Variants in DHRSX observed in about 807,000 individuals in gnomAD.
DHRSX encodes the protein polyprenol dehydrogenase.
A neutral mutation model predicts 34.0 loss-of-function variants in DHRSX; 31 were observed. That is an observed-to-expected ratio of 0.91 (90% CI 0.69 to 1.23). The LOEUF (loss-of-function observed/expected upper bound fraction) is 1.23, where lower values mean the gene tolerates loss of function less well. DHRSX is among the 50% of genes most tolerant of loss of function. DHRSX has a pLI of 0.00. For synonymous variants in DHRSX, 201 were observed against 183.8 expected (o/e 1.09, Z -0.76); for missense variants, 414 against 428.1 (o/e 0.97, Z 0.29).
chrX:2,358,950 G>GA (rs57856874), intron 3 of DHRSX, among the ~76,000 whole-genome samples: 20,459 of 124,342 alleles, frequency 0.16, 1,883 homozygotes, highest in Non-Finnish European at 0.22. Context: ...CTCTGTCTCG[G>GA]AAAAAAAAAA....
intron 6 of DHRSX, among the ~76,000 whole-genome samples, chrX:2,226,703 G>A (rs1300920554): frequency 7.4e-6 from 1 of 135,274 alleles, no homozygotes; most frequent in Non-Finnish European, 1.6e-5. Flanking sequence ...CGGGAGGCAG[G>A]AGAATGGCGT....
chrX:2,457,299 A>T (rs1603118536), intron 1 of DHRSX, among the ~76,000 whole-genome samples: 3 of 151,554 alleles, frequency 2.0e-5, no homozygotes, highest in South Asian at 4.2e-4. Flanking sequence ...TGGCAGCGGG[A>T]TGGCCACTGT....
intron 3 of DHRSX, among the ~76,000 whole-genome samples, chrX:2,315,203 A>G (rs2042227993): frequency 6.6e-6 from 1 of 151,082 alleles, no homozygotes; most frequent in Non-Finnish European, 1.5e-5. Context: ...GAGCTGCCTG[A>G]GTCTCCTGGC....
chrX:2,445,163 C>T (rs2044114047), intron 1 of DHRSX, among the ~76,000 whole-genome samples: 1 of 152,046 alleles, frequency 6.6e-6, no homozygotes, highest in African/African-American at 2.4e-5. Flanking sequence ...GTCTCAAAAA[C>T]AAAGAACATT....
At chrX:2,246,208 C>G (rs1232367357) in intron 5 of DHRSX, among the ~76,000 whole-genome samples, 1 of 152,038 alleles carries the variant, frequency 6.6e-6, no homozygotes, top group Non-Finnish European at 1.5e-5. Flanking sequence ...ATCAAAAAGC[C>G]TAAAAGAATG....
intron 6 of DHRSX, among the ~76,000 whole-genome samples, chrX:2,240,109 A>G (rs1436691407): frequency 1.3e-5 from 2 of 152,058 alleles, no homozygotes; most frequent in African/African-American, 4.8e-5. Context: ...CCTGGGCAAC[A>G]TAATGAAACC....
At chrX:2,275,908 A>T (rs1170942706) in intron 4 of DHRSX, among the ~76,000 whole-genome samples, 1 of 151,996 alleles carries the variant, frequency 6.6e-6, no homozygotes, top group Admixed American at 6.6e-5. Context: ...CAGTGGCACA[A>T]TCTCGGCCCA....
At chrX:2,369,874 A>G (rs1453134351) in intron 3 of DHRSX, among the ~76,000 whole-genome samples, 1 of 151,728 alleles carries the variant, frequency 6.6e-6, no homozygotes, top group African/African-American at 2.4e-5. Flanking sequence ...AACTCCTGAC[A>G]TCAAGTGATC....
At position 2,266,916 on chromosome X, in the gene DHRSX, G is replaced by C; in HGVS notation, c.420C>G (p.Thr140=). Residue 140 remains threonine, a synonymous_variant, in exon 5 of 7, where the codon ACC becomes ACG. Transcript: ENST00000334651. ...CGAAATGTTCTTCGAATCCATCTCTGGTTTTCCTCTGAGGGACCATCATCA... is the reference window on the plus strand; with the variant it reads ...CGAAATGTTCTTCGAATCCATCTCTCGTTTTCCTCTGAGGGACCATCATCA... The part of the protein sequence containing the change: ...AGVMMVPQRK[T]RDGFEEHFGL... 1 of 1,613,962 alleles carries C rather than the reference G, an allele frequency of 6.2e-7. No homozygotes were observed. The highest frequency in any genetic ancestry group is 8.5e-7 in the Non-Finnish European group (1 of 1,179,864).
chrX:2,386,634 A>AT (rs1191696708), intron 3 of DHRSX, among the ~76,000 whole-genome samples: 5 of 152,200 alleles, frequency 3.3e-5, no homozygotes, highest in Non-Finnish European at 5.9e-5. Flanking sequence ...CAAAATTCTA[A>AT]TTTTTTGCAA....
At chrX:2,329,835 A>G (rs891763068) in intron 3 of DHRSX, among the ~76,000 whole-genome samples, 5 of 151,992 alleles carry the variant, frequency 3.3e-5, no homozygotes, top group African/African-American at 7.2e-5. Context: ...CCCTCCTTAC[A>G]TGCATAAAAC....
chrX:2,326,168 G>T (rs1478782845), intron 3 of DHRSX, among the ~76,000 whole-genome samples: 1 of 152,168 alleles, frequency 6.6e-6, no homozygotes, highest in Non-Finnish European at 1.5e-5. Flanking sequence ...GCACCTGATG[G>T]ACACATTTGC....
chrX:2,322,859 T>C (rs866912790), intron 3 of DHRSX, among the ~76,000 whole-genome samples: 4 of 152,298 alleles, frequency 2.6e-5, no homozygotes, highest in Middle Eastern at 3.4e-3. Flanking sequence ...TTTTCAACTG[T>C]GCCAGGGACG....
At chrX:2,373,303 G>T (rs2043101933) in intron 3 of DHRSX, among the ~76,000 whole-genome samples, 1 of 152,148 alleles carries the variant, frequency 6.6e-6, no homozygotes, top group East Asian at 1.9e-4. Flanking sequence ...CCATCCCATC[G>T]TTACAGAGAT....
At chrX:2,405,482 T>C (rs2043541563) in intron 3 of DHRSX, among the ~76,000 whole-genome samples, 1 of 151,186 alleles carries the variant, frequency 6.6e-6, no homozygotes, top group Non-Finnish European at 1.5e-5. Context: ...AGTGAGACTC[T>C]GTCTCAAAAT....
chrX:2,221,159 T>C lies in DHRSX; in HGVS notation c.875A>G (p.His292Arg), dbSNP rs3210910. 1,312,760 of 1,613,408 alleles carry C rather than the reference T, an allele frequency of 0.81. 538,158 individuals are homozygous for C. The highest frequency in any genetic ancestry group is 0.99 in the East Asian group (44,358 of 44,870). Residue 292 changes from histidine to arginine, a missense_variant, in exon 7 of 7, where the codon CAT (histidine) becomes CGT (arginine). Coordinates refer to ENST00000334651, the MANE Select transcript of DHRSX (RefSeq NM_145177.3). Reference protein sequence around the residue: ...VTPELEGVGGHYLYNEKETKS... With the variant: ...VTPELEGVGGRYLYNEKETKS... ...GGTCTCTTTCTCGTTGTATAGGTAA[T>C]GGCCACCAACTCCTTCCAGCTCTGG...
chrX:2,384,496 T>C (rs1017411680), intron 3 of DHRSX, among the ~76,000 whole-genome samples: 1 of 151,970 alleles, frequency 6.6e-6, no homozygotes, highest in African/African-American at 2.4e-5. Flanking sequence ...CACAGGAGGG[T>C]AGGTCTTGGA....
At chrX:2,399,081 C>A (rs1314657835) in intron 3 of DHRSX, among the ~76,000 whole-genome samples, 1 of 151,812 alleles carries the variant, frequency 6.6e-6, no homozygotes, top group Non-Finnish European at 1.5e-5. Context: ...GTCTCGATCT[C>A]CTGATCTCGT....
At chrX:2,489,800 T>C (rs916124272) in intron 1 of DHRSX, 1 of 1,613,456 alleles carries the variant, frequency 6.2e-7, no homozygotes, top group African/African-American at 1.3e-5. Flanking sequence ...CGCCCCCAGC[T>C]TCGGGAGCTG....
Sources: allele counts gnomAD v4.1 joint callset (sites outside exome capture counted in the v4.1 genomes callset), GRCh38; gene constraint gnomAD v4.1.1; transcripts MANE v1.5; gene names NCBI Gene and HGNC (gene_info 2026-07-23, HGNC 2026-07-21).